Variants in RBP5 observed in about 807,000 individuals in gnomAD.
RBP5 encodes retinol-binding protein 5.
A neutral mutation model predicts 17.8 loss-of-function variants in RBP5; 12 were observed. The ratio of observed to expected loss-of-function variants is 0.67; its 90% CI spans 0.43 to 1.09. The LOEUF is 1.09. RBP5 is among the 50% of genes least tolerant of loss of function. The pLI is 0.00. For synonymous variants in RBP5, 64 were observed against 68.1 expected, an observed-to-expected ratio of 0.94 and a Z score of 0.30; for missense variants, 172 against 169.4, an observed-to-expected ratio of 1.02 and a Z score of -0.09.
Position 7,128,692 on chromosome 12 carries a change from G to A in RBP5, c.73+11C>T, listed in dbSNP as rs372598168. The A allele has an allele frequency of 1.3e-5, 20 of 1,587,738 alleles. No individual in the cohort carries two copies. The highest frequency in any genetic ancestry group is 1.0e-4 in the South Asian group (9 of 87,510). ...GGGAGTGACAGGGGTCTGGGAGGGC[G>A]AGGCCATTACTTAGGGCTTGCAGGT... On this transcript the variant is annotated intron_variant, in intron 1 of 3. Coordinates refer to ENST00000266560, the MANE Select transcript of RBP5 (RefSeq NM_031491.4). The surrounding 1 kb of genome is among the most constrained non-coding windows in gnomAD (Gnocchi z 5.3).
At chr12:7,116,605 G>A (rs996096876) in exon 4 of RBP5, 3 of 152,238 alleles carry the variant, frequency 2.0e-5, no homozygotes, top group Non-Finnish European at 4.4e-5. Context: ...CCTCAGACAG[G>A]ACTCAGGTGG....
rs1591607969 is a variant in RBP5 at position 7,123,987 on chromosome 12, T to G, written c.*134A>C. On this transcript the variant is annotated 3_prime_UTR_variant, in exon 4 of 4. Transcript: ENST00000266560. ...AGTTACAGATTAACACGGGGAGGGGTGAGGAGGGACCCAGAGGGAGGAAAG... is the reference window on the plus strand; with the variant it reads ...AGTTACAGATTAACACGGGGAGGGGGGAGGAGGGACCCAGAGGGAGGAAAG... 1 of 786,614 alleles carries G rather than the reference T, an allele frequency of 1.3e-6. No homozygotes were observed. The highest frequency in any genetic ancestry group is 2.2e-6 in the Non-Finnish European group (1 of 452,704). The allele number at this position is 786,614 out of a possible 1,614,324, so 48.7% of individuals were successfully genotyped here.
Position 7,128,794 on chromosome 12 carries a change from A to G in RBP5, c.-19T>C. The G allele has an allele frequency of 6.4e-7, 1 of 1,568,588 alleles. No homozygotes were observed. Among genetic ancestry groups the G allele is most frequent in the Non-Finnish European group, 8.7e-7 (1 of 1,151,490 alleles). ...GAGGCATTGTGTGGATGAAGGTTTC[A>G]GGAGAATGCAGGAGACAGGGTGAGG... On this transcript the variant is annotated 5_prime_UTR_variant, in exon 1 of 4. Coordinates refer to ENST00000266560, the MANE Select transcript of RBP5 (RefSeq NM_031491.4). This position sits in a 1 kb window ranked among gnomAD's most constrained non-coding sequence, Gnocchi z 5.3.
At chr12:7,126,313 T>C (rs1410081425) in intron 2 of RBP5, among the ~76,000 whole-genome samples, 2 of 152,234 alleles carry the variant, frequency 1.3e-5, no homozygotes, top group Non-Finnish European at 2.9e-5. Context: ...TATTTCGGCA[T>C]GCAGCCAATA....
chr12:7,128,260 C>A lies in RBP5; in HGVS notation c.232G>T (p.Val78Leu), dbSNP rs747556208. 1.2e-6 allele frequency: 2 copies of A among 1,613,284 alleles called. No individual in the cohort carries two copies. The highest frequency in any genetic ancestry group is 4.5e-5 in the East Asian group (2 of 44,864). ...TGTACCTGGCATTTTCGTCCGTCCA[C>A]GCTCCTGAGGTCCTCCTCAAACTCC... ...GVEFEEDLRS[V>L]DGRKCQTIVT... The change falls in exon 2 of 4, where the codon GTG becomes TTG. Residue 78 changes from valine to leucine, a missense_variant. Physicochemically the swap from Val to Leu is conservative, Grantham distance 32. Transcript: ENST00000266560. This position sits in a 1 kb window ranked among gnomAD's most constrained non-coding sequence, Gnocchi z 5.3.
rs771262518 is a variant in RBP5, at chr12:7,127,761, T to G, written c.252+479A>C. The G allele has an allele frequency of 1.0e-5, 7 of 698,968 alleles. No homozygotes were observed. The South Asian group carries it at 1.0e-4, about 10-fold the overall frequency. The allele number at this position is 698,968 out of a possible 1,614,324, so 43.3% of individuals were successfully genotyped here. ...GGGTGTAGATGATTTAGCCTATGGATAGTGGGCAGACAAAAGGGAGAAGAC... is the reference window on the plus strand; with the variant it reads ...GGGTGTAGATGATTTAGCCTATGGAGAGTGGGCAGACAAAAGGGAGAAGAC... On this transcript the variant is annotated intron_variant, in intron 2 of 3. Transcript: ENST00000266560.
chr12:7,126,510 G>GGTGGTGGTGTGTGTGT (rs751535528), intron 2 of RBP5, among the ~76,000 whole-genome samples: 6 of 131,116 alleles, frequency 4.6e-5, no homozygotes, highest in African/African-American at 1.4e-4. Context: ...TGGTGGTGGT[G>GGTGGTGGTGTGTGTGT]GTGTGTGTGT....
At chr12:7,123,331 T>C (rs1393380125), downstream of RBP5, among the ~76,000 whole-genome samples, 10 of 152,364 alleles carry the variant, frequency 6.6e-5, no homozygotes, top group African/African-American at 2.2e-4. Flanking sequence ...CTCCCTCCTA[T>C]GCCTTCACAC....
In RBP5 at chr12:7,124,889, C is replaced by T. The variant is rs956453289; in HGVS notation, c.253-159G>A. ...GAGCTGCTCTGATTCAGCAGGACTC[C>T]CTTTCCACCCTACTCTTTGTTTTTT... On this transcript the variant is annotated intron_variant, in intron 2 of 3. Coordinates refer to ENST00000266560, the MANE Select transcript of RBP5 (RefSeq NM_031491.4). This position sits in a 1 kb window ranked among gnomAD's most constrained non-coding sequence, Gnocchi z 5.3. 5.9e-5 allele frequency among the ~76,000 whole-genome samples: 9 copies of T among 152,072 alleles called. No individual in the cohort carries two copies. Among genetic ancestry groups the T allele is most frequent in the Middle Eastern group, 3.2e-3 (1 of 316 alleles).
exon 4 of RBP5, chr12:7,116,797 C>G (rs1348161661): frequency 6.6e-6 from 1 of 152,170 alleles, no homozygotes; most frequent in African/African-American, 2.4e-5. Flanking sequence ...CCCCCACCCC[C>G]CAACCCCATT....
chr12:7,128,492 G>T lies in RBP5; in HGVS notation c.74-74C>A. ...CCTCTGCCTGCAGCAGCCCCTCAGG[G>T]CTGTGAGTTTCCCTTCTTTGGGTCT... On this transcript the variant is annotated intron_variant, in intron 1 of 3. Coordinates refer to ENST00000266560, the MANE Select transcript of RBP5 (RefSeq NM_031491.4). The surrounding 1 kb of genome is among the most constrained non-coding windows in gnomAD (Gnocchi z 5.3). 1 of 1,492,920 alleles carries T rather than the reference G, an allele frequency of 6.7e-7. No homozygotes were observed. Among genetic ancestry groups the T allele is most frequent in the Non-Finnish European group, 9.3e-7 (1 of 1,079,856 alleles). The allele number at this position is 1,492,920 out of a possible 1,614,324, so 92.5% of individuals were successfully genotyped here. A position where few individuals can be genotyped will look rare whatever the true frequency, so the allele number is the denominator to read the frequency against.
At chr12:7,126,648 T>C (rs183114138) in intron 2 of RBP5, among the ~76,000 whole-genome samples, 2 of 151,718 alleles carry the variant, frequency 1.3e-5, no homozygotes, top group Non-Finnish European at 2.9e-5. Context: ...GTGGAGAGAG[T>C]AGATATAAAA....
At chr12:7,126,510 G>GGTGTGTGTGT (rs780320410) in intron 2 of RBP5, among the ~76,000 whole-genome samples, 8 of 131,116 alleles carry the variant, frequency 6.1e-5, no homozygotes, top group Middle Eastern at 3.8e-3. Context: ...TGGTGGTGGT[G>GGTGTGTGTGT]GTGTGTGTGT....
chr12:7,128,363 G>C lies in RBP5; in HGVS notation c.129C>G (p.Ile43Met), dbSNP rs1565646027. 2 of 1,614,176 alleles carry C rather than the reference G, an allele frequency of 1.2e-6. No individual in the cohort carries two copies. Among genetic ancestry groups the C allele is most frequent in the South Asian group, 1.1e-5 (1 of 91,086 alleles). Residue 43 changes from isoleucine (I) to methionine (M), a missense_variant, in exon 2 of 4, where the codon ATC (isoleucine) becomes ATG (methionine). Ile to Met is a conservative substitution (Grantham distance 10). Coordinates refer to ENST00000266560, the MANE Select transcript of RBP5 (RefSeq NM_031491.4). The surrounding 1 kb of genome is among the most constrained non-coding windows in gnomAD (Gnocchi z 5.3). ...CCGTCATGTGGTTGCCCTGGTGTTCGATCTCCTTGTCCGGCTTCAGCAGCA... is the reference window on the plus strand; with the variant it reads ...CCGTCATGTGGTTGCCCTGGTGTTCCATCTCCTTGTCCGGCTTCAGCAGCA... ...IALLLKPDKE[I>M]EHQGNHMTVR...
chr12:7,128,919 A>G, upstream of RBP5: 1 of 707,202 alleles, frequency 1.4e-6, no homozygotes, highest in Non-Finnish European at 2.6e-6. The surrounding 1 kb of genome is among the most constrained non-coding windows in gnomAD (Gnocchi z 5.3). Flanking sequence ...GGCTTTTTAT[A>G]AGGCTGGGGC....
At chr12:7,116,782 T>A (rs1210027755) in exon 4 of RBP5, 1 of 152,214 alleles carries the variant, frequency 6.6e-6, no homozygotes, top group Non-Finnish European at 1.5e-5. Context: ...CGAAGTCATC[T>A]ACTGCCCCCA....
downstream of RBP5, chr12:7,120,929 G>A (rs1396251703): frequency 1.3e-5 from 2 of 151,910 alleles, no homozygotes; most frequent in African/African-American, 4.8e-5. Context: ...TCAGGAGGCT[G>A]AGGCACAAGA....
rs745963514 is a variant in RBP5, at chr12:7,128,270, G to T, written c.222C>A (p.Asp74Glu). 39 of 1,613,908 alleles carry T rather than the reference G, an allele frequency of 2.4e-5. No individual in the cohort carries two copies. The highest frequency in any genetic ancestry group is 3.1e-5 in the Non-Finnish European group (37 of 1,179,950). ...QFDVGVEFEEDLRSVDGRKCQ... is the reference protein window; with the variant it reads ...QFDVGVEFEEELRSVDGRKCQ... ...ATTTTCGTCCGTCCACGCTCCTGAG[G>T]TCCTCCTCAAACTCCACTCCCACAT... is the stretch of plus-strand genomic sequence containing the variant. The change falls in exon 2 of 4, where the codon GAC becomes GAA. Residue 74 changes from aspartate to glutamate, a missense_variant. By Grantham distance (45) the Asp-to-Glu change is conservative. Coordinates refer to ENST00000266560, the MANE Select transcript of RBP5 (RefSeq NM_031491.4). The surrounding 1 kb of genome is among the most constrained non-coding windows in gnomAD (Gnocchi z 5.3).
rs372232169 is a variant in RBP5, at chr12:7,126,988, A to T, written c.252+1252T>A. Among the ~76,000 whole-genome samples the T allele has an allele frequency of 1.1e-3, 99 of 86,476 alleles. 1 individual carries two copies. The East Asian group carries it at 0.011, about 10-fold the overall frequency. The allele number at this position is 86,476 out of a possible 152,430, so 56.7% of individuals were successfully genotyped here. On this transcript the variant is annotated intron_variant, in intron 2 of 3. Transcript: ENST00000266560. Reference sequence around the variant, plus strand: ...GCCCGGCTAATTTTTGTACTTTTGTATTTTTTTTTTTTTTTTTTTTTGAGA... The same window carrying T: ...GCCCGGCTAATTTTTGTACTTTTGTTTTTTTTTTTTTTTTTTTTTTTGAGA...
Sources: gnomAD v4.1 joint callset for allele counts (sites outside exome capture counted in the v4.1 genomes callset) on GRCh38, gnomAD v4.1.1 for gene constraint, Gnocchi (gnomAD v3.1) non-coding constraint, MANE v1.5 for transcripts, NCBI Gene and HGNC (gene_info 2026-07-23, HGNC 2026-07-21) for gene names.